The following DLGAP3 variants were observed in gnomAD, a reference collection of about 807,000 sequenced individuals.
DLGAP3 encodes the protein disks large-associated protein 3.
DLGAP3 carries 17 observed loss-of-function variants against 81.2 expected under a neutral mutation model. The observed-to-expected ratio is 0.21, with a 90% confidence interval of 0.14 to 0.31. The LOEUF is 0.31. Ranked by LOEUF, DLGAP3 falls within the 10% of genes least tolerant of loss-of-function variation. The pLI is 1.00. For missense variants in DLGAP3, 1,124 were observed against 1,388.0 expected, an observed-to-expected ratio of 0.81 and a Z score of 3.02; for synonymous variants, 577 against 587.4, an observed-to-expected ratio of 0.98 and a Z score of 0.26.
chr1:34,912,429 G>T (rs141938886), intron 1 of DLGAP3, among the ~76,000 whole-genome samples: 1 of 152,184 alleles, frequency 6.6e-6, no homozygotes, highest in South Asian at 2.1e-4. Flanking sequence ...GACTTCAAAA[G>T]TCAAATTTTA....
chr1:34,898,872 T>A (rs1002562418), intron 5 of DLGAP3, among the ~76,000 whole-genome samples: 1 of 152,168 alleles, frequency 6.6e-6, no homozygotes, highest in Non-Finnish European at 1.5e-5. Flanking sequence ...AAGTACCTTG[T>A]GTTTGCATAC....
At chr1:34,916,928 G>A (rs570729486) in intron 1 of DLGAP3, among the ~76,000 whole-genome samples, 25 of 152,094 alleles carry the variant, frequency 1.6e-4, no homozygotes, top group Non-Finnish European at 3.4e-4. Flanking sequence ...CGGTCTCCCT[G>A]ACCTCGTGAT....
intron 2 of DLGAP3, 148 bp from the exon 3 acceptor site, chr1:34,905,582 G>A (rs551711954): frequency 3.5e-5 from 22 of 634,546 alleles, no homozygotes; most frequent in Non-Finnish European, 4.9e-5. Flanking sequence ...GGACTAAAAA[G>A]TCCTTTAAAT....
intron 1 of DLGAP3, among the ~76,000 whole-genome samples, chr1:34,919,012 T>G (rs1321739867): frequency 6.6e-6 from 1 of 152,156 alleles, no homozygotes; most frequent in Non-Finnish European, 1.5e-5. Context: ...ATCGTCCACG[T>G]GGGCAGAGTC....
chr1:34,882,478 C>CA (rs1223955215), intron 8 of DLGAP3, among the ~76,000 whole-genome samples: 1 of 151,558 alleles, frequency 6.6e-6, no homozygotes, highest in African/African-American at 2.4e-5. Flanking sequence ...AATGCCATCT[C>CA]AAAAAAAATA....
intron 1 of DLGAP3, among the ~76,000 whole-genome samples, chr1:34,917,346 CTTT>C (rs548309308): frequency 2.3e-5 from 3 of 133,302 alleles, no homozygotes; most frequent in South Asian, 2.4e-4. Context: ...ATCCTTTTTC[CTTT>C]TTTTTTTTTT....
At chr1:34,887,039 C>G (rs1639245089) in intron 5 of DLGAP3, among the ~76,000 whole-genome samples, 1 of 143,666 alleles carries the variant, frequency 7.0e-6, no homozygotes, top group Admixed American at 7.4e-5. Flanking sequence ...ACTGCAAGCT[C>G]TGCCTCCCGG....
intron 1 of DLGAP3, among the ~76,000 whole-genome samples, chr1:34,918,347 C>A (rs1639748404): frequency 6.6e-6 from 1 of 152,214 alleles, no homozygotes; most frequent in Admixed American, 6.5e-5. Context: ...CCTTACAGTG[C>A]CCAGGGTGGA....
intron 8 of DLGAP3, among the ~76,000 whole-genome samples, chr1:34,874,787 G>A (rs1569599397): frequency 6.6e-6 from 1 of 151,382 alleles, no homozygotes; most frequent in East Asian, 2.0e-4. Context: ...GTTGTCAAGA[G>A]GTTTTGCCAG....
intron 8 of DLGAP3, among the ~76,000 whole-genome samples, chr1:34,879,251 G>A (rs1388759877): frequency 6.6e-6 from 1 of 152,070 alleles, no homozygotes; most frequent in Non-Finnish European, 1.5e-5. Context: ...TGGGAGCCCT[G>A]AGCTTGTTTT....
rs755715413 is a variant in DLGAP3 at position 34,868,729 on chromosome 1, G to A, written c.2361C>T (p.Arg787=). ...RGSRSLPDSG[R]ASPCPRDGEW... is the part of the protein sequence containing the mutation. ...CGCCGTCGCGTGGGCAGGGGGATGC[G>A]CGGCCTGAGTCGGGGAGGCTACGTG... is the stretch of plus-strand genomic sequence containing the variant. The change falls in exon 9 of 12, where the codon CGC becomes CGT. Residue 787 remains arginine, a synonymous_variant. Transcript: ENST00000373347. The surrounding 1 kb of genome is among the most constrained non-coding windows in gnomAD (Gnocchi z 7.5). 8.8e-5 allele frequency: 142 copies of A among 1,609,618 alleles called. 1 individual carries two copies. The highest frequency in any genetic ancestry group is 1.6e-4 in the Middle Eastern group (1 of 6,084).
intron 1 of DLGAP3, among the ~76,000 whole-genome samples, chr1:34,911,032 C>CCCA (rs58538432): frequency 7.6e-5 from 11 of 145,174 alleles, no homozygotes; most frequent in Non-Finnish European, 1.7e-4. Flanking sequence ...ACCCCCCCCC[C>CCCA]ACCACCTTCC....
At position 34,901,881 on chromosome 1, in the gene DLGAP3, TG is replaced by T. The variant is rs923301018; in HGVS notation, c.1108-1609del. ...TTTAGGATGCAAGCGACTTTGGACA[TG>T]TTTTCAGAATGATGGAAAGAGCCAG... On this transcript the variant is annotated intron_variant, in intron 3 of 11. Transcript: ENST00000373347. 9.9e-5 allele frequency among the ~76,000 whole-genome samples: 15 copies of T among 152,148 alleles called. 1 individual carries two copies. Among genetic ancestry groups the T allele is most frequent in the Admixed American group, 6.5e-4 (10 of 15,278 alleles).
chr1:34,914,238 T>A (rs1639683961), intron 1 of DLGAP3, among the ~76,000 whole-genome samples: 1 of 152,226 alleles, frequency 6.6e-6, no homozygotes, highest in Non-Finnish European at 1.5e-5. Context: ...CAATTCAGCC[T>A]GATCAGCCTC....
At chr1:34,881,998 A>C (rs1264014348) in intron 8 of DLGAP3, among the ~76,000 whole-genome samples, 1 of 152,242 alleles carries the variant, frequency 6.6e-6, no homozygotes, top group African/African-American at 2.4e-5. Context: ...AGTCCTATTC[A>C]ATGCAATATT....
intron 1 of DLGAP3, among the ~76,000 whole-genome samples, chr1:34,917,634 C>G (rs1005998722): frequency 6.6e-6 from 1 of 152,158 alleles, no homozygotes; most frequent in Non-Finnish European, 1.5e-5. Flanking sequence ...CTTGAGCCAC[C>G]GTGGCTATCC....
rs1557488816 is a variant in DLGAP3, at chr1:34,904,366, C to T, written c.1018G>A (p.Gly340Ser). ...SAWHTMMVSQ[G>S]RDGYPGAGPG... ...CCGGCCCCCGGGTATCCATCCCGGC[C>T]CTGGCTGACCATCATGGTATGCCAG... Residue 340 changes from glycine (G) to serine (S), a missense_variant, in exon 3 of 12, where the codon GGC (glycine) becomes AGC (serine). Around this residue, in one of 9 missense-constraint regions of DLGAP3, gnomAD observed 357 missense variants for 408.8 expected, o/e 0.87. Coordinates refer to ENST00000373347, the MANE Select transcript of DLGAP3 (RefSeq NM_001080418.3). The surrounding 1 kb of genome is among the most constrained non-coding windows in gnomAD (Gnocchi z 8.1). 6.2e-7 allele frequency: 1 copy of T among 1,613,430 alleles called. No homozygotes were observed. Among genetic ancestry groups the T allele is most frequent in the Non-Finnish European group, 8.5e-7 (1 of 1,180,030 alleles).
intron 1 of DLGAP3, among the ~76,000 whole-genome samples, chr1:34,914,052 A>T (rs141903070): frequency 6.6e-6 from 1 of 152,122 alleles, no homozygotes; most frequent in African/African-American, 2.4e-5. Flanking sequence ...ATGAGGCACA[A>T]CTTTCAGGGA....
chr1:34,922,734 C>T (rs191146983), intron 1 of DLGAP3, among the ~76,000 whole-genome samples: 3 of 152,206 alleles, frequency 2.0e-5, no homozygotes, highest in Admixed American at 1.3e-4. Context: ...GGCAGAAATA[C>T]GCATGCATGT....
Sources: allele counts gnomAD v4.1 joint callset (sites outside exome capture counted in the v4.1 genomes callset), GRCh38; gene constraint gnomAD v4.1.1; regional missense constraint gnomAD v4.1.1; non-coding constraint Gnocchi (gnomAD v3.1); transcripts MANE v1.5; gene names NCBI Gene and HGNC (gene_info 2026-07-23, HGNC 2026-07-21).